PRPF39: variants seen among roughly 807,000 people sequenced by gnomAD.
PRPF39 encodes pre-mRNA processing factor 39.
A neutral mutation model predicts 82.1 loss-of-function variants in PRPF39; 27 were observed. The ratio of observed to expected loss-of-function variants is 0.33; its 90% confidence interval spans 0.24 to 0.45. The LOEUF (loss-of-function observed/expected upper bound fraction) is 0.45, where lower values mean the gene tolerates loss of function less well. PRPF39 is among the 20% of genes least tolerant of loss of function. PRPF39 has a pLI of 1.00. For synonymous variants in PRPF39, 261 were observed against 256.4 expected, an observed-to-expected ratio of 1.02 and a Z score of -0.17; for missense variants, 581 against 796.9, an observed-to-expected ratio of 0.73 and a Z score of 3.26.
intron 1 of PRPF39, 81 bp from the exon 2 acceptor site, chr14:45,095,140 G>A: frequency 1.2e-6 from 1 of 837,612 alleles, no homozygotes. Context: ...GCTAAATTAG[G>A]GCTTTTTAAA....
rs143985970 is a variant in PRPF39 at position 45,090,829 on chromosome 14, G to A, written c.-19-4392G>A. ...TTATCTTACACTTATATGTCACTACGAGGAATGTAATACAGTGCTGGACAT... is the reference window on the plus strand; with the variant it reads ...TTATCTTACACTTATATGTCACTACAAGGAATGTAATACAGTGCTGGACAT... On this transcript the variant is annotated intron_variant, in intron 1 of 13. Coordinates refer to ENST00000355765, the MANE Select transcript of PRPF39 (RefSeq NM_017922.4). Among the ~76,000 whole-genome samples the A allele has an allele frequency of 2.8e-3, 433 of 152,088 alleles. 3 individuals carry two copies. Among genetic ancestry groups the A allele is most frequent in the African/African-American group, 0.01 (419 of 41,486 alleles).
chr14:45,111,353 CT>C (rs397969669), intron 10 of PRPF39, among the ~76,000 whole-genome samples: 61 of 147,402 alleles, frequency 4.1e-4, no homozygotes, highest in East Asian at 1.4e-3. Context: ...AGATGTTTAT[CT>C]TTTTTTTTTT....
In PRPF39 at chr14:45,110,238, C is replaced by A; in HGVS notation, c.1303+18C>A. The A allele has an allele frequency of 6.2e-7, 1 of 1,611,912 alleles. No homozygotes were observed. The highest frequency in any genetic ancestry group is 8.5e-7 in the Non-Finnish European group (1 of 1,178,744). ...ACAGCAGGGTAAGAGTGGAGAAATT[C>A]AGTTGACATTTTTGAGATTTTAAGT... On this transcript the variant is annotated intron_variant, in intron 9 of 13. Transcript: ENST00000355765. The surrounding 1 kb of genome is among the most constrained non-coding windows in gnomAD (Gnocchi z 4.0).
chr14:45,108,460 C>T lies in PRPF39; in HGVS notation c.949C>T (p.His317Tyr). The T allele has an allele frequency of 6.3e-7, 1 of 1,598,926 alleles. No individual in the cohort carries two copies. The highest frequency in any genetic ancestry group is 1.1e-5 in the South Asian group (1 of 87,968). Residue 317 changes from histidine to tyrosine, a missense_variant, in exon 7 of 14, where the codon CAT becomes TAT. Physicochemically the swap from His to Tyr is moderately conservative, Grantham distance 83. Coordinates refer to ENST00000355765, the MANE Select transcript of PRPF39 (RefSeq NM_017922.4). ...ENMRHRIIEI[H>Y]QEMFNYNEHE... ...CATGAGACATAGAATCATTGAGATT[C>T]ATCAAGAAATGTTTAATTATAATGA...
At position 45,102,721 on chromosome 14, in the gene PRPF39, A is replaced by C. The variant is rs1437181567; in HGVS notation, c.737+25A>C. The C allele has an allele frequency of 1.9e-6, 3 of 1,547,544 alleles. No individual in the cohort carries two copies. The Admixed American group carries it at 5.8e-5, about 30-fold the overall frequency. On this transcript the variant is annotated intron_variant, in intron 5 of 13. Transcript: ENST00000355765. ...GGTAGGTGGGAAATTCTGATCATTGAAACATCTTTGATTACTCAGATAGTT... is the reference window on the plus strand; with the variant it reads ...GGTAGGTGGGAAATTCTGATCATTGCAACATCTTTGATTACTCAGATAGTT...
At chr14:45,090,519 CCTT>C (rs1883988460) in intron 1 of PRPF39, among the ~76,000 whole-genome samples, 1 of 152,168 alleles carries the variant, frequency 6.6e-6, no homozygotes, top group South Asian at 2.1e-4. Context: ...ATCATTTCTA[CCTT>C]CTTGTCTGCT....
intron 1 of PRPF39, among the ~76,000 whole-genome samples, chr14:45,086,859 T>G (rs911843951): frequency 2.0e-5 from 3 of 150,624 alleles, no homozygotes; most frequent in Non-Finnish European, 4.4e-5. Context: ...TTTTTTTTTT[T>G]TTTTTTTTTT....
chr14:45,095,044 A>G (rs1371937297), intron 1 of PRPF39, among the ~76,000 whole-genome samples, 177 bp from the exon 2 acceptor site: 1 of 152,232 alleles, frequency 6.6e-6, no homozygotes, highest in African/African-American at 2.4e-5. Flanking sequence ...TGAAGAATTT[A>G]TAATTTTATT....
intron 8 of PRPF39, 108 bp from the exon 9 acceptor site, chr14:45,109,986 C>T (rs1884652767): frequency 6.3e-7 from 1 of 1,575,018 alleles, no homozygotes; most frequent in Non-Finnish European, 8.6e-7. Context: ...TCTAGTGGTT[C>T]AATAAAGGTG....
chr14:45,097,251 A>G (rs1306755388), intron 4 of PRPF39, among the ~76,000 whole-genome samples: 1 of 151,874 alleles, frequency 6.6e-6, no homozygotes, highest in African/African-American at 2.4e-5. Context: ...GTTCTTTCAG[A>G]TATATGTATA....
At chr14:45,092,868 G>A (rs970777182) in intron 1 of PRPF39, among the ~76,000 whole-genome samples, 1 of 151,570 alleles carries the variant, frequency 6.6e-6, no homozygotes. Context: ...ATAGACGGTA[G>A]TGAAACTCAG....
chr14:45,105,525 CTTTT>C (rs201816309), intron 5 of PRPF39, among the ~76,000 whole-genome samples: 1 of 133,440 alleles, frequency 7.5e-6, no homozygotes, highest in South Asian at 2.4e-4. Context: ...TATTTATATA[CTTTT>C]TTTTTTTTTT....
intron 5 of PRPF39, among the ~76,000 whole-genome samples, chr14:45,104,507 A>ATT (rs1272128814): frequency 3.3e-5 from 5 of 152,080 alleles, no homozygotes; most frequent in Non-Finnish European, 5.9e-5. Context: ...TTGATAGGCT[A>ATT]TTTAAGTTGT....
chr14:45,085,671 TA>T (rs916681051), intron 1 of PRPF39, among the ~76,000 whole-genome samples: 1 of 152,168 alleles, frequency 6.6e-6, no homozygotes, highest in Non-Finnish European at 1.5e-5. Flanking sequence ...GTAGAGACTT[TA>T]AAAAGTCGGC....
intron 6 of PRPF39, 87 bp downstream of exon 6, chr14:45,107,703 C>A: frequency 7.4e-7 from 1 of 1,350,240 alleles, no homozygotes; most frequent in Non-Finnish European, 1.0e-6. Flanking sequence ...CCAAGGTAGG[C>A]GGGTCACCTG....
At chr14:45,093,850 C>T (rs1252600805) in intron 1 of PRPF39, among the ~76,000 whole-genome samples, 11 of 152,286 alleles carry the variant, frequency 7.2e-5, no homozygotes, top group South Asian at 6.2e-4. Context: ...CCACCACGCC[C>T]GGCCAAAGCA....
intron 7 of PRPF39, among the ~76,000 whole-genome samples, chr14:45,109,191 T>C (rs1256806725): frequency 1.3e-5 from 2 of 152,174 alleles, no homozygotes; most frequent in Non-Finnish European, 2.9e-5. Flanking sequence ...ATTTCACAGA[T>C]ATATGTATAT....
chr14:45,104,798 C>A (rs1884477134), intron 5 of PRPF39, among the ~76,000 whole-genome samples: 2 of 152,150 alleles, frequency 1.3e-5, no homozygotes, highest in African/African-American at 2.4e-5. Context: ...TCTAGACACA[C>A]CTAAGTCTGA....
At chr14:45,096,312 T>C in intron 3 of PRPF39, 84 bp downstream of exon 3, 1 of 1,504,946 alleles carries the variant, frequency 6.6e-7, no homozygotes, top group Non-Finnish European at 8.8e-7. Flanking sequence ...TTTTTTTTTT[T>C]TTTTGGCTGG....
Sources: gnomAD v4.1 joint callset for allele counts (sites outside exome capture counted in the v4.1 genomes callset) on GRCh38, gnomAD v4.1.1 for gene constraint, Gnocchi (gnomAD v3.1) non-coding constraint, MANE v1.5 for transcripts, NCBI Gene and HGNC (gene_info 2026-07-23, HGNC 2026-07-21) for gene names.